GATAD2A: variants seen among roughly 807,000 people sequenced by gnomAD.
GATAD2A encodes the protein transcriptional repressor p66-alpha.
GATAD2A carries 12 observed loss-of-function variants against 68.5 expected under a neutral mutation model. The ratio of observed to expected loss-of-function variants is 0.18; its 90% confidence interval spans 0.11 to 0.28. The LOEUF (loss-of-function observed/expected upper bound fraction) is 0.28. GATAD2A is among the 10% of genes least tolerant of loss of function. The pLI, the probability that GATAD2A is intolerant of heterozygous loss-of-function variation, is 1.00. For synonymous variants in GATAD2A, 410 were observed against 375.3 expected (o/e 1.09, Z -1.07); for missense variants, 755 against 868.5 (o/e 0.87, Z 1.64).
chr19:19,498,845 T>C (rs1002494063), intron 8 of GATAD2A, 123 bp downstream of exon 8: 8 of 830,698 alleles, frequency 9.6e-6, no homozygotes, highest in Non-Finnish European at 1.5e-5. Flanking sequence ...TGGTCCTGGG[T>C]GGGCTTGGCA....
intron 1 of GATAD2A, chr19:19,434,948 C>G (rs1281412249): frequency 2.8e-6 from 1 of 354,838 alleles, no homozygotes; most frequent in Non-Finnish European, 6.2e-6. Context: ...GAGGGTAAAC[C>G]TAGCACTGCC....
chr19:19,499,539 T>G (rs1007303229), intron 8 of GATAD2A, among the ~76,000 whole-genome samples: 2 of 152,042 alleles, frequency 1.3e-5, no homozygotes, highest in African/African-American at 4.8e-5. Flanking sequence ...TCCCGCGCAC[T>G]GCCCAGGATA....
At chr19:19,391,129 T>C (rs535705937) in intron 1 of GATAD2A, among the ~76,000 whole-genome samples, 5 of 152,328 alleles carry the variant, frequency 3.3e-5, no homozygotes, top group African/African-American at 1.2e-4. Flanking sequence ...AGCCATAGAA[T>C]CATGGCTGGT....
chr19:19,481,423 T>A (rs75667002), intron 2 of GATAD2A, among the ~76,000 whole-genome samples: 23,811 of 152,190 alleles, frequency 0.16, 1,977 homozygotes, highest in Middle Eastern at 0.28. Flanking sequence ...CTCCAGCTCC[T>A]GGGCTCAAGT....
upstream of GATAD2A, among the ~76,000 whole-genome samples, chr19:19,401,786 A>G (rs1251855398): frequency 2.0e-5 from 3 of 152,122 alleles, no homozygotes; most frequent in Non-Finnish European, 4.4e-5. Context: ...TCAGTAGGTG[A>G]TGCTACTCTT....
chr19:19,453,556 C>T (rs910238881), intron 1 of GATAD2A, among the ~76,000 whole-genome samples: 3 of 152,056 alleles, frequency 2.0e-5, no homozygotes, highest in African/African-American at 4.8e-5. Flanking sequence ...AGTGTAGTGG[C>T]ACAATCACAG....
At chr19:19,477,483 G>A (rs1485116168) in intron 2 of GATAD2A, among the ~76,000 whole-genome samples, 3 of 152,102 alleles carry the variant, frequency 2.0e-5, no homozygotes, top group Non-Finnish European at 2.9e-5. Context: ...GAGACTTGGC[G>A]TGTCTGCAGG....
chr19:19,443,347 C>A (rs184935586), intron 1 of GATAD2A, among the ~76,000 whole-genome samples: 4 of 152,184 alleles, frequency 2.6e-5, no homozygotes, highest in Admixed American at 1.3e-4. Flanking sequence ...GCCACAGGGA[C>A]GCCATTTGCA....
At chr19:19,463,874 G>A (rs557687201) in intron 1 of GATAD2A, among the ~76,000 whole-genome samples, 1 of 152,242 alleles carries the variant, frequency 6.6e-6, no homozygotes, top group African/African-American at 2.4e-5. Flanking sequence ...GGCTCCAGGA[G>A]CGTGAAGCAG....
intron 1 of GATAD2A, chr19:19,465,114 T>C: frequency 1.7e-6 from 1 of 591,090 alleles, no homozygotes; most frequent in South Asian, 2.0e-5. Flanking sequence ...CCACCAATGT[T>C]CAGCCACACA....
chr19:19,421,002 G>A (rs1310539985), intron 1 of GATAD2A, among the ~76,000 whole-genome samples: 3 of 152,186 alleles, frequency 2.0e-5, no homozygotes, highest in Non-Finnish European at 4.4e-5. Flanking sequence ...TTTCAGAAGT[G>A]CGCTTTTCTC....
intron 1 of GATAD2A, chr19:19,429,259 G>T: frequency 1.0e-6 from 1 of 984,090 alleles, no homozygotes; most frequent in Non-Finnish European, 1.2e-6. Flanking sequence ...GGGCTGGGGG[G>T]GAGAGCTTGC....
At chr19:19,427,060 T>G (rs1391779723) in intron 1 of GATAD2A, among the ~76,000 whole-genome samples, 1 of 151,742 alleles carries the variant, frequency 6.6e-6, no homozygotes, top group Middle Eastern at 3.2e-3. Context: ...CACTTATGAT[T>G]GCACCTATAT....
chr19:19,418,248 G>T (rs1039946393), intron 1 of GATAD2A, among the ~76,000 whole-genome samples: 1 of 152,180 alleles, frequency 6.6e-6, no homozygotes, highest in African/African-American at 2.4e-5. Flanking sequence ...TGAATGAAGA[G>T]AGCATGGCTC....
chr19:19,447,242 G>T (rs1049169087), intron 1 of GATAD2A, among the ~76,000 whole-genome samples: 1 of 152,152 alleles, frequency 6.6e-6, no homozygotes, highest in Non-Finnish European at 1.5e-5. Flanking sequence ...AGATGCAAAG[G>T]CCCTGAGGTG....
intron 1 of GATAD2A, among the ~76,000 whole-genome samples, chr19:19,463,876 G>GT (rs1568309117): frequency 1.3e-5 from 2 of 152,232 alleles, no homozygotes; most frequent in East Asian, 3.8e-4. Context: ...CTCCAGGAGC[G>GT]TGAAGCAGCT....
chr19:19,422,775 G>A (rs1468896126), intron 1 of GATAD2A, among the ~76,000 whole-genome samples: 3 of 150,150 alleles, frequency 2.0e-5, no homozygotes, highest in African/African-American at 4.9e-5. Context: ...GCAGTGACGC[G>A]ATCTTGGCTC....
chr19:19,470,499 A>G (rs1404066011), intron 2 of GATAD2A, among the ~76,000 whole-genome samples: 1 of 152,236 alleles, frequency 6.6e-6, no homozygotes, highest in Non-Finnish European at 1.5e-5. Context: ...ACCTGAAAAC[A>G]TAAACTTGAT....
chr19:19,463,497 G>A (rs1198191194), intron 1 of GATAD2A, among the ~76,000 whole-genome samples: 1 of 152,174 alleles, frequency 6.6e-6, no homozygotes, highest in Non-Finnish European at 1.5e-5. Flanking sequence ...CTGAGGGGCA[G>A]CTGAGCAGGA....
Sources: allele counts gnomAD v4.1 joint callset (sites outside exome capture counted in the v4.1 genomes callset), GRCh38; gene constraint gnomAD v4.1.1; transcripts MANE v1.5; gene names NCBI Gene and HGNC (gene_info 2026-07-23, HGNC 2026-07-21).